Variants in KALRN observed in about 807,000 individuals in gnomAD.
KALRN encodes kalirin RhoGEF kinase.
Under a neutral mutation model 353.7 loss-of-function variants are expected in KALRN, and 70 were observed. That is an observed-to-expected ratio of 0.20 (90% CI 0.16 to 0.24). The LOEUF (loss-of-function observed/expected upper bound fraction) is 0.24. Among genes scored for constraint, KALRN ranks in the 10% least tolerant of loss-of-function variants. KALRN has a pLI of 1.00. For missense variants in KALRN, 2,791 were observed against 3,756.7 expected, an observed-to-expected ratio of 0.74 and a Z score of 6.72; for synonymous variants, 1,391 against 1,434.8, an observed-to-expected ratio of 0.97 and a Z score of 0.69.
chr3:124,238,589 C>T (rs1027713634), intron 3 of KALRN, among the ~76,000 whole-genome samples: 1 of 152,156 alleles, frequency 6.6e-6, no homozygotes, highest in Non-Finnish European at 1.5e-5. Context: ...AGTATTACCA[C>T]CCCCACCAAT....
At chr3:124,468,077 A>G (rs2060517458) in intron 25 of KALRN, among the ~76,000 whole-genome samples, 1 of 152,162 alleles carries the variant, frequency 6.6e-6, no homozygotes, top group Non-Finnish European at 1.5e-5. Flanking sequence ...AGACCTTCCC[A>G]GAGCTACCAT....
chr3:124,457,796 C>G (rs2107615817), intron 23 of KALRN, among the ~76,000 whole-genome samples: 1 of 152,268 alleles, frequency 6.6e-6, no homozygotes, highest in South Asian at 2.1e-4. Flanking sequence ...ATGTCTCTCA[C>G]CAGCTTCAAA....
intron 33 of KALRN, among the ~76,000 whole-genome samples, chr3:124,498,989 CAT>C (rs1486577636): frequency 6.6e-6 from 1 of 151,960 alleles, no homozygotes; most frequent in Non-Finnish European, 1.5e-5. Context: ...TAAACTGACT[CAT>C]ATTCAACAGA....
intron 10 of KALRN, among the ~76,000 whole-genome samples, chr3:124,383,111 GCATTGGAAC>G (rs1459495044): frequency 1.3e-5 from 2 of 152,160 alleles, no homozygotes; most frequent in African/African-American, 2.4e-5. Context: ...GGTCTCACCA[GCATTGGAAC>G]GATGTTTACC....
At chr3:124,283,512 G>T in intron 5 of KALRN, among the ~76,000 whole-genome samples, 1 of 152,076 alleles carries the variant, frequency 6.6e-6, no homozygotes, top group South Asian at 2.1e-4. Flanking sequence ...CTGACTCCTG[G>T]CTTGGTTAGT....
chr3:124,147,017 G>C (rs146374316), intron 1 of KALRN, among the ~76,000 whole-genome samples: 46 of 152,008 alleles, frequency 3.0e-4, no homozygotes, highest in African/African-American at 1.1e-3. Flanking sequence ...TATACCATGT[G>C]CTTTATATAA....
intron 14 of KALRN, among the ~76,000 whole-genome samples, chr3:124,419,457 A>T (rs2092679675): frequency 6.6e-6 from 1 of 151,988 alleles, no homozygotes; most frequent in Admixed American, 6.6e-5. Flanking sequence ...CACCATTCAT[A>T]GCATACAGAG....
intron 1 of KALRN, among the ~76,000 whole-genome samples, chr3:124,049,478 T>C (rs902883729): frequency 1.3e-5 from 2 of 152,176 alleles, no homozygotes; most frequent in East Asian, 1.9e-4. Context: ...TAAAGTGAGA[T>C]GATAGAAAGA....
rs1443433944 is a variant in KALRN at position 124,655,626 on chromosome 3, A to T, written c.5821A>T (p.Thr1941Ser). The change falls in exon 39 of 60, where the codon ACA (threonine) becomes TCA (serine). Residue 1941 changes from threonine to serine, a missense_variant. Around this residue, in one of 11 missense-constraint regions of KALRN, gnomAD observed 1,065 missense variants for 1,156.4 expected, o/e 0.92. Transcript: ENST00000682506. The part of the protein sequence containing the change: ...RMFVLNELVQ[T>S]EKDYVKDLGI... ...GTTTGTCCTGAATGAGCTGGTACAGACAGAGAAAGACTATGTCAAGGATCT... is the reference window on the plus strand; with the variant it reads ...GTTTGTCCTGAATGAGCTGGTACAGTCAGAGAAAGACTATGTCAAGGATCT... The T allele has an allele frequency of 6.2e-7, 1 of 1,613,966 alleles. No individual in the cohort carries two copies. Among genetic ancestry groups the T allele is most frequent in the African/African-American group, 1.3e-5 (1 of 74,934 alleles).
intron 47 of KALRN, among the ~76,000 whole-genome samples, chr3:124,669,528 T>C (rs2086115100): frequency 6.6e-6 from 1 of 152,248 alleles, no homozygotes; most frequent in Non-Finnish European, 1.5e-5. Context: ...TTCCATGTGA[T>C]GGGAATTGAT....
rs926123706 is a variant in KALRN at position 124,228,058 on chromosome 3, G to T, written c.142G>T (p.Val48Leu). ...TATCCTAAAGGAAAAGGTGGCCTTC[G>T]TGTCTGGTGAGTATTTGTGGGACTT... ...LPILKEKVAF[V>L]SGGRDKRGGP... The change falls in exon 2 of 60, where the codon GTG (valine) becomes TTG (leucine). Residue 48 changes from valine (V) to leucine (L), a missense_variant. Around this residue, in one of 11 missense-constraint regions of KALRN, gnomAD observed 110 missense variants for 204.1 expected, o/e 0.54. Coordinates refer to ENST00000682506, the MANE Select transcript of KALRN (RefSeq NM_001388419.1). 2 of 1,613,190 alleles carry T rather than the reference G, an allele frequency of 1.2e-6. No individual in the cohort carries two copies. Among genetic ancestry groups the T allele is most frequent in the East Asian group, 4.5e-5 (2 of 44,892 alleles).
intron 1 of KALRN, among the ~76,000 whole-genome samples, chr3:124,097,321 G>C (rs910508513): frequency 6.6e-6 from 1 of 152,218 alleles, no homozygotes; most frequent in African/African-American, 2.4e-5. Flanking sequence ...CTGCCTTTCT[G>C]GGCAGTGAAC....
At chr3:124,471,505 C>T (rs2060896603) in intron 25 of KALRN, among the ~76,000 whole-genome samples, 1 of 151,884 alleles carries the variant, frequency 6.6e-6, no homozygotes, top group African/African-American at 2.4e-5. Context: ...TAAGCTTGAA[C>T]TCCTGACCTC....
intron 1 of KALRN, among the ~76,000 whole-genome samples, chr3:124,053,684 G>A (rs1002013482): frequency 2.0e-5 from 3 of 152,216 alleles, no homozygotes; most frequent in Admixed American, 6.5e-5. Flanking sequence ...TCCCACAAGT[G>A]GGGCAAGTCT....
intron 57 of KALRN, among the ~76,000 whole-genome samples, chr3:124,712,088 T>G (rs1320243337): frequency 6.6e-6 from 1 of 152,146 alleles, no homozygotes; most frequent in Non-Finnish European, 1.5e-5. Flanking sequence ...AGACTACACA[T>G]TGGGTACTGT....
intron 11 of KALRN, among the ~76,000 whole-genome samples, chr3:124,392,439 A>T (rs2089536712): frequency 6.6e-6 from 1 of 152,100 alleles, no homozygotes; most frequent in Admixed American, 6.5e-5. Context: ...CACTGTTATT[A>T]TCCCCATTTT....
intron 34 of KALRN, among the ~76,000 whole-genome samples, chr3:124,589,650 A>T (rs915931165): frequency 1.3e-5 from 2 of 152,156 alleles, no homozygotes; most frequent in African/African-American, 4.8e-5. Flanking sequence ...TGGGGCCTTG[A>T]TGTGTATCCT....
At chr3:124,358,961 T>C (rs1194346827) in intron 10 of KALRN, among the ~76,000 whole-genome samples, 1 of 152,128 alleles carries the variant, frequency 6.6e-6, no homozygotes, top group East Asian at 1.9e-4. Context: ...TCAGGCCTCA[T>C]TTCCATCCCA....
At chr3:124,527,403 A>T (rs1462642206) in intron 33 of KALRN, among the ~76,000 whole-genome samples, 1 of 152,006 alleles carries the variant, frequency 6.6e-6, no homozygotes, top group Non-Finnish European at 1.5e-5. Flanking sequence ...AGGCCAGGAG[A>T]TCGAGACCAT....
Sources: gnomAD v4.1 joint callset for allele counts (sites outside exome capture counted in the v4.1 genomes callset) on GRCh38, gnomAD v4.1.1 for gene constraint, gnomAD v4.1.1 regional missense constraint, MANE v1.5 for transcripts, NCBI Gene and HGNC (gene_info 2026-07-23, HGNC 2026-07-21) for gene names.